SLC25A31: variants seen among roughly 807,000 people sequenced by gnomAD.
The protein encoded by SLC25A31 is solute carrier family 25 member 31, also known as ADP/ATP translocase 4.
In SLC25A31, 40 loss-of-function variants were observed where a neutral mutation model predicts 36.2. The observed-to-expected ratio is 1.10, with a 90% CI of 0.86 to 1.44. The LOEUF (loss-of-function observed/expected upper bound fraction) is 1.44, where lower values mean the gene tolerates loss of function less well. Ranked by LOEUF, SLC25A31 falls within the 40% of genes most tolerant of loss-of-function variation. The probability of loss-of-function intolerance (pLI) is 0.00; values close to 1 mark genes in which losing one functional copy is unlikely to be tolerated. For missense variants in SLC25A31, 350 were observed against 397.1 expected (o/e 0.88, Z 1.01); for synonymous variants, 143 against 149.7 (o/e 0.96, Z 0.32).
At chr4:127,772,069 C>T (rs936267793) in intron 5 of SLC25A31, among the ~76,000 whole-genome samples, 3 of 152,112 alleles carry the variant, frequency 2.0e-5, no homozygotes, top group Admixed American at 1.3e-4. Context: ...ACTTCAGTAG[C>T]AAGTCTGTGC....
intron 2 of SLC25A31, among the ~76,000 whole-genome samples, chr4:127,750,952 G>A (rs1731919893): frequency 6.6e-6 from 1 of 152,084 alleles, no homozygotes; most frequent in African/African-American, 2.4e-5. Flanking sequence ...AAACATAGTG[G>A]TAAAGGGATT....
At chr4:127,743,823 A>C (rs1471307674) in intron 1 of SLC25A31, among the ~76,000 whole-genome samples, 1 of 152,192 alleles carries the variant, frequency 6.6e-6, no homozygotes, top group Non-Finnish European at 1.5e-5. Flanking sequence ...GCACTAGCGC[A>C]GTTAACTGAG....
chr4:127,736,034 C>A, intron 1 of SLC25A31, among the ~76,000 whole-genome samples: 1 of 150,406 alleles, frequency 6.6e-6, no homozygotes, highest in Non-Finnish European at 1.5e-5. Flanking sequence ...GGACTACAGG[C>A]GCCCGCTACC....
chr4:127,770,499 G>A (rs373241906), intron 5 of SLC25A31, among the ~76,000 whole-genome samples: 20 of 151,950 alleles, frequency 1.3e-4, no homozygotes, highest in Middle Eastern at 3.4e-3. Flanking sequence ...GGTGGCGGGC[G>A]CCTGTAGTCC....
chr4:127,741,247 C>G (rs1299066626), intron 1 of SLC25A31, among the ~76,000 whole-genome samples: 2 of 152,144 alleles, frequency 1.3e-5, no homozygotes, highest in African/African-American at 2.4e-5. Context: ...CTGGCTAGAA[C>G]TTAAGGTACT....
intron 1 of SLC25A31, among the ~76,000 whole-genome samples, chr4:127,741,163 A>G (rs1731725942): frequency 6.6e-6 from 1 of 152,210 alleles, no homozygotes. Flanking sequence ...TTCTGTATGT[A>G]AGATCATGTC....
intron 5 of SLC25A31, 132 bp downstream of exon 5, chr4:127,769,009 G>C: frequency 2.6e-6 from 2 of 776,146 alleles, no homozygotes; most frequent in Non-Finnish European, 3.8e-6. Context: ...ATAAATACAT[G>C]ATGTATTCTG....
chr4:127,748,986 T>C (rs1578661198), intron 2 of SLC25A31, among the ~76,000 whole-genome samples: 1 of 151,644 alleles, frequency 6.6e-6, no homozygotes, highest in Admixed American at 6.6e-5. Context: ...TCTTAAAGAA[T>C]CTTAATGCAA....
At chr4:127,768,135 ATTAT>A (rs1311692898) in intron 4 of SLC25A31, among the ~76,000 whole-genome samples, 1 of 151,878 alleles carries the variant, frequency 6.6e-6, no homozygotes, top group African/African-American at 2.4e-5. Context: ...TAATATCAGT[ATTAT>A]TTATTAGTAT....
At chr4:127,734,639 C>T (rs1057193488) in intron 1 of SLC25A31, among the ~76,000 whole-genome samples, 2 of 150,806 alleles carry the variant, frequency 1.3e-5, no homozygotes, top group African/African-American at 2.4e-5. Flanking sequence ...TTAGGAGTTC[C>T]GTGTCACGAG....
In SLC25A31 at chr4:127,768,784, TC is replaced by T; in HGVS notation, c.667del (p.Val224SerfsTer9). 2 of 1,607,846 alleles carry T rather than the reference TC, an allele frequency of 1.2e-6. No individual in the cohort carries two copies. Among genetic ancestry groups the T allele is most frequent in the Non-Finnish European group, 1.7e-6 (2 of 1,177,266 alleles). On this transcript the variant is annotated frameshift_variant, in exon 5 of 6. Coordinates refer to ENST00000281154, the MANE Select transcript of SLC25A31 (RefSeq NM_031291.4). LOFTEE classifies it high-confidence loss of function. ...TACCAAAGCCAAAGAAAACTCCATT[TC>T]TTGTCTCCTTTTTCATTGCTCAAGT... ...LLPKPKKTPFLVSFFIAQVVT... is the reference protein window; with the variant it reads ...LLPKPKKTPFXVSFFIAQVVT...
intron 2 of SLC25A31, among the ~76,000 whole-genome samples, chr4:127,754,540 A>C (rs199685064): frequency 6.8e-6 from 1 of 147,032 alleles, no homozygotes; most frequent in African/African-American, 2.4e-5. Flanking sequence ...ATAGCTTTAA[A>C]AAAAAAAAAA....
At chr4:127,764,477 T>C in intron 3 of SLC25A31, 117 bp downstream of exon 3, 1 of 810,820 alleles carries the variant, frequency 1.2e-6, no homozygotes, top group Non-Finnish European at 1.9e-6. Context: ...AACTTTGTTC[T>C]CAACCAAATG....
chr4:127,768,282 ATTTAT>A (rs1732283191), intron 4 of SLC25A31, among the ~76,000 whole-genome samples: 1 of 152,022 alleles, frequency 6.6e-6, no homozygotes, highest in African/African-American at 2.4e-5. Flanking sequence ...GATCTTGTAC[ATTTAT>A]TTAATCACAA....
rs1732414708 is a variant in SLC25A31 at position 127,773,747 on chromosome 4, T to G, written c.*173T>G. 2.0e-6 allele frequency: 1 copy of G among 489,664 alleles called. No homozygotes were observed. Among genetic ancestry groups the G allele is most frequent in the East Asian group, 3.4e-5 (1 of 29,234 alleles). The allele number at this position is 489,664 out of a possible 1,614,324, so 30.3% of individuals were successfully genotyped here. On this transcript the variant is annotated 3_prime_UTR_variant, in exon 6 of 6. Coordinates refer to ENST00000281154, the MANE Select transcript of SLC25A31 (RefSeq NM_031291.4). The stretch of plus-strand genomic sequence containing the variant: ...TTAAATACTAAAAATCAGATAAATG[T>G]GGATTTTCCTCCCACTTAGACTCAA...
At chr4:127,748,400 C>G (rs1351190136) in intron 2 of SLC25A31, among the ~76,000 whole-genome samples, 2 of 152,156 alleles carry the variant, frequency 1.3e-5, no homozygotes, top group East Asian at 3.8e-4. Context: ...TAAAACAACC[C>G]TGTGACTTGG....
At position 127,730,405 on chromosome 4, in the gene SLC25A31, C is replaced by T. The variant is rs904391215; in HGVS notation, c.-141C>T. 20 of 893,176 alleles carry T rather than the reference C, an allele frequency of 2.2e-5. No individual in the cohort carries two copies. The highest frequency in any genetic ancestry group is 2.0e-4 in the African/African-American group (12 of 59,028). The allele number at this position is 893,176 out of a possible 1,614,324, so 55.3% of individuals were successfully genotyped here. On this transcript the variant is annotated 5_prime_UTR_variant, in exon 1 of 6. Transcript: ENST00000281154. ...AGCTTTTCCGCACGCGCCTCGCCGG[C>T]GCGCGGCTCTCTCAGCGTCCCAAGA...
intron 3 of SLC25A31, among the ~76,000 whole-genome samples, chr4:127,765,591 A>G (rs892820288): frequency 1.3e-5 from 2 of 152,174 alleles, no homozygotes; most frequent in East Asian, 1.9e-4. Flanking sequence ...GCGTATATAT[A>G]TGCACACATA....
intron 5 of SLC25A31, among the ~76,000 whole-genome samples, chr4:127,772,323 C>T (rs568572786): frequency 1.3e-5 from 2 of 152,254 alleles, no homozygotes; most frequent in African/African-American, 4.8e-5. Context: ...TTATCCATTT[C>T]TTATGACTTA....
Sources: allele counts gnomAD v4.1 joint callset (sites outside exome capture counted in the v4.1 genomes callset), GRCh38; gene constraint gnomAD v4.1.1; transcripts MANE v1.5; gene names NCBI Gene and HGNC (gene_info 2026-07-23, HGNC 2026-07-21).